The following PTPRT variants were observed in gnomAD, a reference collection of about 807,000 sequenced individuals.
PTPRT encodes receptor-type tyrosine-protein phosphatase T.
A neutral mutation model predicts 176.8 loss-of-function variants in PTPRT; 56 were observed. The ratio of observed to expected loss-of-function variants is 0.32; its 90% CI spans 0.26 to 0.40. The LOEUF (loss-of-function observed/expected upper bound fraction) is 0.40. Among genes scored for constraint, PTPRT ranks in the 10% least tolerant of loss-of-function variants. The pLI is 1.00. For synonymous variants in PTPRT, 783 were observed against 739.0 expected (o/e 1.06, Z -0.96); for missense variants, 1,540 against 1,908.2 (o/e 0.81, Z 3.60).
chr20:43,174,293 C>A (rs1363602336), intron 1 of PTPRT, among the ~76,000 whole-genome samples: 2 of 152,098 alleles, frequency 1.3e-5, no homozygotes, highest in African/African-American at 2.4e-5. Flanking sequence ...CCACTCTGTT[C>A]CTCAGTTTTG....
intron 13 of PTPRT, among the ~76,000 whole-genome samples, chr20:42,278,007 GCA>G (rs1224811461): frequency 7.2e-6 from 1 of 139,170 alleles, no homozygotes; most frequent in African/African-American, 2.7e-5. Context: ...CTCAAAATAA[GCA>G]CAGTCTTTGC....
Position 42,350,639 on chromosome 20 carries a change from T to C in PTPRT, c.1854A>G (p.Gly618=), listed in dbSNP as rs2058269534. Residue 618 remains glycine (G), a synonymous_variant, in exon 11 of 31, where the codon GGA becomes GGG. Transcript: ENST00000373187. The part of the protein sequence containing the change: ...TVMLKPAQSR[G]APVSVYQLVV... Reference sequence around the variant, plus strand: ...AGAACCATCCTCACCTGACAGGAGCTCCCCGGGACTGAGCGGGTTTCAGCA... The same window carrying C: ...AGAACCATCCTCACCTGACAGGAGCCCCCCGGGACTGAGCGGGTTTCAGCA... 6 of 1,609,282 alleles carry C rather than the reference T, an allele frequency of 3.7e-6. No individual in the cohort carries two copies. Among genetic ancestry groups the C allele is most frequent in the Non-Finnish European group, 5.1e-6 (6 of 1,175,790 alleles).
In PTPRT at chr20:43,008,497, G is replaced by C. The variant is rs552624655; in HGVS notation, c.89-122565C>G. The stretch of plus-strand genomic sequence containing the variant: ...CTTGTGATCAGGAGTTTGAGACGAG[G>C]CTGGCCATCATGGTAAAACCCCATC... On this transcript the variant is annotated intron_variant, in intron 1 of 30. Coordinates refer to ENST00000373187, the MANE Select transcript of PTPRT (RefSeq NM_007050.6). 1.0e-3 allele frequency among the ~76,000 whole-genome samples: 155 copies of C among 152,166 alleles called. No individual in the cohort carries two copies. In the Middle Eastern group the frequency reaches 0.01, roughly 10 times the overall value.
rs544658503 is a variant in PTPRT at position 42,792,060 on chromosome 20, C to A, written c.215-594G>T. On this transcript the variant is annotated intron_variant, in intron 2 of 30. Coordinates refer to ENST00000373187, the MANE Select transcript of PTPRT (RefSeq NM_007050.6). ...TTGCTGGGCTTGCCGTCTTGCACTA[C>A]TGCTACCTTTCATGAAAAGGATGTG... Among the ~76,000 whole-genome samples, 102 of 152,340 alleles carry A rather than the reference C, an allele frequency of 6.7e-4. 1 individual carries two copies. The South Asian group carries it at 8.5e-3, about 13-fold the overall frequency.
At chr20:42,304,230 T>G (rs2057512252) in intron 12 of PTPRT, among the ~76,000 whole-genome samples, 1 of 152,068 alleles carries the variant, frequency 6.6e-6, no homozygotes, top group Admixed American at 6.6e-5. Flanking sequence ...TTCACTAATT[T>G]TTTTCCTCCT....
At chr20:42,203,268 AC>A (rs1991523368) in intron 15 of PTPRT, among the ~76,000 whole-genome samples, 1 of 152,230 alleles carries the variant, frequency 6.6e-6, no homozygotes, top group African/African-American at 2.4e-5. Context: ...TCTCAGTAAC[AC>A]AGAAAAATTG....
intron 7 of PTPRT, among the ~76,000 whole-genome samples, chr20:42,664,766 A>C (rs917590500): frequency 7.2e-5 from 11 of 152,298 alleles, no homozygotes; most frequent in African/African-American, 2.4e-4. Context: ...CCAGTGGAAC[A>C]GAACAGAGCC....
intron 7 of PTPRT, among the ~76,000 whole-genome samples, chr20:42,591,609 G>A (rs1363065341): frequency 6.6e-6 from 1 of 152,022 alleles, no homozygotes. Context: ...CTCATTCCTG[G>A]AAAAAACACA....
In PTPRT at chr20:42,794,548, C is replaced by T. The variant is rs2077425517; in HGVS notation, c.215-3082G>A. On this transcript the variant is annotated intron_variant, in intron 2 of 30. Transcript: ENST00000373187. ...AGCTGAATGTCCCAGAGCTCAAGAG[C>T]CTAGGAGAGGGCAGTGCACCATAAA... Among the ~76,000 whole-genome samples the T allele has an allele frequency of 3.9e-5, 6 of 152,156 alleles. No homozygotes were observed. In the South Asian group the frequency reaches 1.2e-3, roughly 32 times the overall value.
chr20:42,827,990 G>C (rs540340952), intron 2 of PTPRT, among the ~76,000 whole-genome samples: 1 of 152,190 alleles, frequency 6.6e-6, no homozygotes, highest in Admixed American at 6.5e-5. Context: ...CAGTAGAGTA[G>C]GGTGCTGCTA....
intron 6 of PTPRT, among the ~76,000 whole-genome samples, chr20:42,734,946 G>A (rs1208576182): frequency 6.6e-6 from 1 of 152,200 alleles, no homozygotes; most frequent in Non-Finnish European, 1.5e-5. Context: ...GGTCAATGGG[G>A]CTTTGTCAAA....
the PTPRT span, among the ~76,000 whole-genome samples, chr20:42,057,737 C>T: frequency 0.079 from 12,073 of 151,992 alleles, 579 homozygotes; most frequent in Middle Eastern, 0.25. Flanking sequence ...TACAGATAAA[C>T]ACCTCACACC....
rs1449362572 is a variant in PTPRT, at chr20:42,616,932, C to T, written c.1153+60934G>A. 2.3e-5 allele frequency among the ~76,000 whole-genome samples: 3 copies of T among 131,954 alleles called. 1 individual carries two copies. Among genetic ancestry groups the T allele is most frequent in the African/African-American group, 6.9e-5 (2 of 28,988 alleles). 86.6% of individuals were successfully genotyped at this position (131,954 alleles called of 152,430 possible). On this transcript the variant is annotated intron_variant, in intron 7 of 30. Transcript: ENST00000373187. ...TTTCCTAATTGAATACCCTTTATTTCCTTCTCCTGCCTCATTGCCCTGGCC... is the reference window on the plus strand; with the variant it reads ...TTTCCTAATTGAATACCCTTTATTTTCTTCTCCTGCCTCATTGCCCTGGCC...
At chr20:42,086,484 C>A (rs1211621407) in intron 27 of PTPRT, among the ~76,000 whole-genome samples, 2 of 151,834 alleles carry the variant, frequency 1.3e-5, no homozygotes, top group Non-Finnish European at 2.9e-5. Flanking sequence ...ATATCTACCT[C>A]TAAGCCCCGC....
intron 13 of PTPRT, among the ~76,000 whole-genome samples, chr20:42,266,708 G>C (rs2056844220): frequency 6.6e-6 from 1 of 152,088 alleles, no homozygotes; most frequent in Admixed American, 6.6e-5. Flanking sequence ...TAGTCCTAGA[G>C]AGCAACAAGG....
chr20:42,537,073 A>G (rs1418311254), intron 7 of PTPRT, among the ~76,000 whole-genome samples: 5 of 152,140 alleles, frequency 3.3e-5, no homozygotes, highest in Admixed American at 1.3e-4. Flanking sequence ...TTCTCTAAGA[A>G]GTAGAGACAA....
chr20:42,806,238 C>T (rs1427798262), intron 2 of PTPRT, among the ~76,000 whole-genome samples: 1 of 152,112 alleles, frequency 6.6e-6, no homozygotes, highest in Non-Finnish European at 1.5e-5. Flanking sequence ...GTAATCCCAG[C>T]ACTTTGGGAG....
At chr20:42,062,883 C>A in the PTPRT span, among the ~76,000 whole-genome samples, 1 of 152,146 alleles carries the variant, frequency 6.6e-6, no homozygotes, top group African/African-American at 2.4e-5. Context: ...AGCTATGCTG[C>A]CTGTGTCTCA....
At chr20:43,120,290 T>A (rs1434174578) in intron 1 of PTPRT, among the ~76,000 whole-genome samples, 1 of 151,682 alleles carries the variant, frequency 6.6e-6, no homozygotes, top group Non-Finnish European at 1.5e-5. Context: ...TTTTTTTTTT[T>A]AAATGGAGTC....
Sources: allele counts gnomAD v4.1 joint callset (sites outside exome capture counted in the v4.1 genomes callset), GRCh38; gene constraint gnomAD v4.1.1; transcripts MANE v1.5; gene names NCBI Gene and HGNC (gene_info 2026-07-23, HGNC 2026-07-21).